Variants in MECOM observed in about 807,000 individuals in gnomAD.
MECOM encodes the protein MDS1 and EVI1 complex locus.
Under a neutral mutation model 116.3 loss-of-function variants are expected in MECOM, and 13 were observed. The observed-to-expected ratio is 0.11, with a 90% confidence interval of 0.07 to 0.18. The LOEUF is 0.18. Ranked by LOEUF, MECOM falls within the 10% of genes least tolerant of loss-of-function variation. The pLI is 1.00. For missense variants in MECOM, 1,299 were observed against 1,509.0 expected, an observed-to-expected ratio of 0.86 and a Z score of 2.31; for synonymous variants, 528 against 535.2, an observed-to-expected ratio of 0.99 and a Z score of 0.19.
intron 1 of MECOM, among the ~76,000 whole-genome samples, chr3:169,517,503 G>A (rs1335668928): frequency 1.3e-5 from 2 of 152,178 alleles, no homozygotes; most frequent in South Asian, 2.1e-4. Flanking sequence ...CTATAAGAGG[G>A]AGCAGGGAAG....
intron 1 of MECOM, among the ~76,000 whole-genome samples, chr3:169,457,520 T>C (rs1022655581): frequency 1.3e-5 from 2 of 152,124 alleles, no homozygotes; most frequent in Admixed American, 6.5e-5. Flanking sequence ...TCTGATCATA[T>C]CAGGCCAACT....
intron 2 of MECOM, among the ~76,000 whole-genome samples, chr3:169,335,887 ATAT>A (rs1723514513): frequency 6.6e-6 from 1 of 152,138 alleles, no homozygotes; most frequent in African/African-American, 2.4e-5. Context: ...CTATGATTTC[ATAT>A]TATCTTAATA....
At chr3:169,356,692 G>T (rs920124381) in intron 2 of MECOM, among the ~76,000 whole-genome samples, 4 of 151,918 alleles carry the variant, frequency 2.6e-5, no homozygotes, top group Non-Finnish European at 4.4e-5. Context: ...TGTAAAATCT[G>T]CAAGCAAGGT....
intron 2 of MECOM, among the ~76,000 whole-genome samples, chr3:169,211,612 A>T (rs1750742926): frequency 1.3e-5 from 2 of 152,108 alleles, no homozygotes; most frequent in Non-Finnish European, 2.9e-5. Context: ...TTTCACAGAC[A>T]GTTTCTACTC....
At chr3:169,441,193 T>C (rs1743608310) in intron 1 of MECOM, among the ~76,000 whole-genome samples, 1 of 152,242 alleles carries the variant, frequency 6.6e-6, no homozygotes, top group South Asian at 2.1e-4. Flanking sequence ...TCCATGGCCC[T>C]CCAGGAGAAA....
intron 16 of MECOM, among the ~76,000 whole-genome samples, chr3:169,086,959 T>A (rs1304704522): frequency 6.6e-6 from 1 of 152,192 alleles, no homozygotes; most frequent in African/African-American, 2.4e-5. Flanking sequence ...ATATAGCTGG[T>A]AGTTAATAAA....
intron 2 of MECOM, among the ~76,000 whole-genome samples, chr3:169,312,748 A>G (rs1469643898): frequency 6.6e-6 from 1 of 152,128 alleles, no homozygotes; most frequent in Non-Finnish European, 1.5e-5. Context: ...GTCTGGGGAG[A>G]GAGGAAAAAC....
chr3:169,234,761 C>A (rs1753830432), intron 2 of MECOM, among the ~76,000 whole-genome samples: 1 of 152,150 alleles, frequency 6.6e-6, no homozygotes, highest in African/African-American at 2.4e-5. Context: ...CATACTTATG[C>A]TTTCTTTGCC....
At chr3:169,232,086 C>A (rs1160987836) in intron 2 of MECOM, among the ~76,000 whole-genome samples, 1 of 152,144 alleles carries the variant, frequency 6.6e-6, no homozygotes, top group Non-Finnish European at 1.5e-5. Flanking sequence ...AACTGGCCAG[C>A]ACAGCTAGAA....
chr3:169,628,040 A>G (rs1229452604), intron 1 of MECOM, among the ~76,000 whole-genome samples: 3 of 152,194 alleles, frequency 2.0e-5, no homozygotes, highest in African/African-American at 7.2e-5. Context: ...GCTGCTCTAC[A>G]TACCAAAGAG....
At chr3:169,152,658 G>A (rs1176916653) in intron 2 of MECOM, among the ~76,000 whole-genome samples, 6 of 152,168 alleles carry the variant, frequency 3.9e-5, no homozygotes, top group African/African-American at 1.2e-4. Flanking sequence ...TTGTAGGACG[G>A]CACTGTGTGC....
At chr3:169,228,350 C>G (rs536270917) in intron 2 of MECOM, among the ~76,000 whole-genome samples, 78 of 152,286 alleles carry the variant, frequency 5.1e-4, no homozygotes, top group African/African-American at 1.7e-3. Flanking sequence ...TGAATTTGAT[C>G]ATTTAAAGTC....
At chr3:169,145,211 T>C in intron 2 of MECOM, 1 of 555,712 alleles carries the variant, frequency 1.8e-6, no homozygotes, top group Non-Finnish European at 3.1e-6. Flanking sequence ...AAACTCTTCT[T>C]TTTCAAGGAT....
At chr3:169,201,472 G>A (rs1046989951) in intron 2 of MECOM, among the ~76,000 whole-genome samples, 7 of 151,910 alleles carry the variant, frequency 4.6e-5, no homozygotes, top group South Asian at 4.1e-4. Flanking sequence ...GCTCCTTTAC[G>A]CTAGCTACTT....
intron 1 of MECOM, chr3:169,467,039 G>T (rs1053349640): frequency 1.3e-5 from 2 of 152,108 alleles, no homozygotes; most frequent in Admixed American, 6.5e-5. Flanking sequence ...TTCAGAACAG[G>T]TCTACCAATC....
At chr3:169,216,379 G>T (rs1751422989) in intron 2 of MECOM, among the ~76,000 whole-genome samples, 1 of 152,064 alleles carries the variant, frequency 6.6e-6, no homozygotes, top group South Asian at 2.1e-4. Context: ...AATAAGTTGT[G>T]TCATTTCTAG....
intron 1 of MECOM, among the ~76,000 whole-genome samples, chr3:169,418,767 A>G (rs1189048392): frequency 4.6e-5 from 7 of 151,824 alleles, no homozygotes; most frequent in Admixed American, 4.6e-4. Flanking sequence ...AGAGCTATTT[A>G]TGACAAACCC....
intron 2 of MECOM, among the ~76,000 whole-genome samples, chr3:169,368,915 C>G (rs980680255): frequency 1.3e-5 from 2 of 151,958 alleles, no homozygotes; most frequent in Non-Finnish European, 2.9e-5. Context: ...TTGGGATAAA[C>G]AATTTATATG....
intron 1 of MECOM, among the ~76,000 whole-genome samples, chr3:169,456,275 C>T (rs1314026590): frequency 6.6e-6 from 1 of 152,200 alleles, no homozygotes; most frequent in Non-Finnish European, 1.5e-5. Context: ...CTAGTCCACA[C>T]CTGCTCCTTG....
Sources: allele counts gnomAD v4.1 joint callset (sites outside exome capture counted in the v4.1 genomes callset), GRCh38; gene constraint gnomAD v4.1.1; transcripts MANE v1.5; gene names NCBI Gene and HGNC (gene_info 2026-07-23, HGNC 2026-07-21).